The following MED13L variants were observed in gnomAD, a reference collection of about 807,000 sequenced individuals.
The protein encoded by MED13L is mediator of RNA polymerase II transcription subunit 13-like.
A neutral mutation model predicts 220.9 loss-of-function variants in MED13L; 7 were observed. The ratio of observed to expected loss-of-function variants is 0.03; its 90% CI spans 0.02 to 0.06. MED13L has a LOEUF of 0.06. Ranked by LOEUF, MED13L falls within the 10% of genes least tolerant of loss-of-function variation. The pLI is 1.00. For synonymous variants in MED13L, 1,011 were observed against 1,015.2 expected, an observed-to-expected ratio of 1.00 and a Z score of 0.08; for missense variants, 1,965 against 2,760.5, an observed-to-expected ratio of 0.71 and a Z score of 6.46.
chr12:116,271,703 A>T (rs1270421267), intron 1 of MED13L, among the ~76,000 whole-genome samples: 1 of 152,072 alleles, frequency 6.6e-6, no homozygotes, highest in Non-Finnish European at 1.5e-5. Context: ...TGTAAATCAG[A>T]TCTGCACAAA....
At chr12:116,121,263 C>T (rs149181856) in intron 2 of MED13L, among the ~76,000 whole-genome samples, 1 of 152,090 alleles carries the variant, frequency 6.6e-6, no homozygotes, top group African/African-American at 2.4e-5. Context: ...GCTTAGTGCC[C>T]AAATAATTTT....
chr12:116,108,065 G>A (rs1309590367), intron 3 of MED13L, among the ~76,000 whole-genome samples: 2 of 151,770 alleles, frequency 1.3e-5, no homozygotes, highest in Non-Finnish European at 2.9e-5. Context: ...ACTCCAGCCT[G>A]GGCAACAGAG....
At chr12:116,202,460 C>G (rs1245707079) in intron 2 of MED13L, among the ~76,000 whole-genome samples, 1 of 152,134 alleles carries the variant, frequency 6.6e-6, no homozygotes, top group African/African-American at 2.4e-5. Context: ...GATGAAATGT[C>G]ATCAACTTGA....
chr12:116,069,881 G>C (rs1448467473), intron 4 of MED13L, among the ~76,000 whole-genome samples: 1 of 152,094 alleles, frequency 6.6e-6, no homozygotes, highest in Non-Finnish European at 1.5e-5. Context: ...GTTTAGACCT[G>C]GGTCACATTC....
At chr12:115,966,361 C>G in intron 28 of MED13L, 118 bp from the exon 29 acceptor site, 1 of 1,133,782 alleles carries the variant, frequency 8.8e-7, no homozygotes. Flanking sequence ...CAGCATCTCA[C>G]AGAAAACAAC....
At chr12:116,107,981 T>C (rs1873727576) in intron 3 of MED13L, among the ~76,000 whole-genome samples, 1 of 152,142 alleles carries the variant, frequency 6.6e-6, no homozygotes, top group East Asian at 1.9e-4. Flanking sequence ...TCCCAGCTGC[T>C]TAGGAGGCTG....
intron 1 of MED13L, chr12:116,276,731 A>C (rs1873880633): frequency 2.0e-5 from 20 of 1,009,316 alleles, no homozygotes; most frequent in Non-Finnish European, 1.9e-5. Flanking sequence ...AAAGGGGGGA[A>C]AGGGGAGGAG....
At chr12:116,233,821 C>T (rs967268848) in intron 2 of MED13L, among the ~76,000 whole-genome samples, 9 of 152,180 alleles carry the variant, frequency 5.9e-5, no homozygotes, top group Non-Finnish European at 1.0e-4. Flanking sequence ...CTACACCACA[C>T]GCATTAACAA....
In MED13L at chr12:116,158,822, G is replaced by A. The variant is rs138248682; in HGVS notation, c.311-47310C>T. Among the ~76,000 whole-genome samples the A allele has an allele frequency of 4.1e-4, 62 of 152,112 alleles. 1 individual carries two copies. In the East Asian group the frequency reaches 0.012, roughly 28 times the overall value. ...TAATTTCTATAACCTTACAAGATAG[G>A]TACAATTAATATCCCCCATTCTACA... On this transcript the variant is annotated intron_variant, in intron 2 of 30. Coordinates refer to ENST00000281928, the MANE Select transcript of MED13L (RefSeq NM_015335.5).
At chr12:116,142,074 C>T (rs572568685) in intron 2 of MED13L, among the ~76,000 whole-genome samples, 1 of 152,140 alleles carries the variant, frequency 6.6e-6, no homozygotes, top group Non-Finnish European at 1.5e-5. Context: ...TCTTTTAGGT[C>T]TCACCTCATA....
intron 4 of MED13L, among the ~76,000 whole-genome samples, chr12:116,039,377 T>C (rs772178745): frequency 1.3e-5 from 2 of 152,192 alleles, no homozygotes; most frequent in Non-Finnish European, 2.9e-5. Flanking sequence ...AGAAATAAAA[T>C]TGGAGCTAAC....
At chr12:116,079,411 AG>A (rs199911644) in intron 4 of MED13L, among the ~76,000 whole-genome samples, 45 of 151,630 alleles carry the variant, frequency 3.0e-4, no homozygotes, top group South Asian at 8.4e-4. Flanking sequence ...GAGATGGGGG[AG>A]GGGGGGTCTC....
chr12:115,967,214 A>G (rs1876240916), intron 28 of MED13L, among the ~76,000 whole-genome samples: 1 of 151,200 alleles, frequency 6.6e-6, no homozygotes, highest in South Asian at 2.1e-4. Context: ...TTTGGAAGGA[A>G]AAAATAATCT....
chr12:116,269,574 C>T (rs1168474843), intron 1 of MED13L, among the ~76,000 whole-genome samples: 1 of 151,590 alleles, frequency 6.6e-6, no homozygotes, highest in East Asian at 1.9e-4. Context: ...TGCCAATAAT[C>T]CCAACATTTG....
At chr12:115,964,117 A>G (rs914572493) in intron 29 of MED13L, among the ~76,000 whole-genome samples, 1 of 152,014 alleles carries the variant, frequency 6.6e-6, no homozygotes, top group African/African-American at 2.4e-5. Flanking sequence ...ACCAACCCCC[A>G]AAAAACCCTC....
chr12:116,123,856 C>A (rs1173362934), intron 2 of MED13L, among the ~76,000 whole-genome samples: 2 of 152,094 alleles, frequency 1.3e-5, no homozygotes, highest in Non-Finnish European at 2.9e-5. Flanking sequence ...AACATGGAAA[C>A]ACGATTCATT....
rs534766458 is a variant in MED13L at position 116,165,970 on chromosome 12, C to A, written c.311-54458G>T. On this transcript the variant is annotated intron_variant, in intron 2 of 30. Coordinates refer to ENST00000281928, the MANE Select transcript of MED13L (RefSeq NM_015335.5). Reference sequence around the variant, plus strand: ...ACAACATGCCTCCTGCCACCAAGGGCTGCTGTCCTTTCTGCTATAAAATAT... The same window carrying A: ...ACAACATGCCTCCTGCCACCAAGGGATGCTGTCCTTTCTGCTATAAAATAT... Among the ~76,000 whole-genome samples, 13 of 152,346 alleles carry A rather than the reference C, an allele frequency of 8.5e-5. No individual in the cohort carries two copies. The South Asian group carries it at 2.7e-3, about 32-fold the overall frequency.
At chr12:116,078,830 G>T (rs1470832601) in intron 4 of MED13L, among the ~76,000 whole-genome samples, 1 of 152,098 alleles carries the variant, frequency 6.6e-6, no homozygotes, top group Admixed American at 6.5e-5. Context: ...AAAATCTCAT[G>T]ATATGTATCC....
chr12:116,258,542 C>G (rs927268559), intron 1 of MED13L, among the ~76,000 whole-genome samples: 1 of 151,946 alleles, frequency 6.6e-6, no homozygotes, highest in Non-Finnish European at 1.5e-5. Flanking sequence ...TTTGGGAGGC[C>G]GAGGTGGGCG....
Sources: gnomAD v4.1 joint callset for allele counts (sites outside exome capture counted in the v4.1 genomes callset) on GRCh38, gnomAD v4.1.1 for gene constraint, MANE v1.5 for transcripts, NCBI Gene and HGNC (gene_info 2026-07-23, HGNC 2026-07-21) for gene names.